The following DIAPH3 variants were observed in gnomAD, a reference collection of about 807,000 sequenced individuals.
The protein encoded by DIAPH3 is protein diaphanous homolog 3.
Under a neutral mutation model 144.3 loss-of-function variants are expected in DIAPH3, and 117 were observed. The ratio of observed to expected loss-of-function variants is 0.81; its 90% CI spans 0.70 to 0.95. The LOEUF is 0.95. DIAPH3 is among the 40% of genes least tolerant of loss of function. The pLI, the probability that DIAPH3 is intolerant of heterozygous loss-of-function variation, is 0.00. For missense variants in DIAPH3, 1,421 were observed against 1,412.7 expected (o/e 1.01, Z -0.09); for synonymous variants, 519 against 488.9 (o/e 1.06, Z -0.81).
At chr13:59,893,703 G>T (rs1210624916) in intron 20 of DIAPH3, among the ~76,000 whole-genome samples, 1 of 151,986 alleles carries the variant, frequency 6.6e-6, no homozygotes, top group Non-Finnish European at 1.5e-5. Flanking sequence ...TTGCAGATTA[G>T]TTTATTCAAA....
At chr13:59,913,011 T>C (rs1322463755) in intron 19 of DIAPH3, among the ~76,000 whole-genome samples, 1 of 152,134 alleles carries the variant, frequency 6.6e-6, no homozygotes, top group African/African-American at 2.4e-5. Context: ...AATAAAAGTA[T>C]ATGATTTCCC....
intron 27 of DIAPH3, among the ~76,000 whole-genome samples, chr13:59,680,180 C>A (rs2032864301): frequency 6.6e-6 from 1 of 152,096 alleles, no homozygotes; most frequent in African/African-American, 2.4e-5. Context: ...ACACACACAC[C>A]TACACATTAG....
chr13:59,892,676 C>T (rs340224), intron 20 of DIAPH3, among the ~76,000 whole-genome samples: 102,070 of 151,752 alleles, frequency 0.67, 35,947 homozygotes, highest in East Asian at 0.89. Flanking sequence ...AAAGATAACA[C>T]AGACTCATTA....
At chr13:60,136,895 G>A (rs533530410) in intron 1 of DIAPH3, among the ~76,000 whole-genome samples, 5 of 151,798 alleles carry the variant, frequency 3.3e-5, no homozygotes, top group African/African-American at 1.2e-4. Context: ...AGCCGAGATT[G>A]TGCCACTGCA....
chr13:59,937,491 G>C (rs1424486179), intron 17 of DIAPH3, among the ~76,000 whole-genome samples: 1 of 152,158 alleles, frequency 6.6e-6, no homozygotes, highest in African/African-American at 2.4e-5. Flanking sequence ...TAAGCAACTT[G>C]AGACTAGAAG....
At position 59,974,336 on chromosome 13, in the gene DIAPH3, C is replaced by T. The variant is rs1366046977; in HGVS notation, c.1650+16G>A. The T allele has an allele frequency of 6.3e-7, 1 of 1,597,794 alleles. No individual in the cohort carries two copies. Among genetic ancestry groups the T allele is most frequent in the Non-Finnish European group, 8.6e-7 (1 of 1,166,734 alleles). Reference sequence around the variant, plus strand: ...TGTGTTTTTAATACCCAAATTCACTCAGAGTGGAATTTTACCTGAGACTTA... The same window carrying T: ...TGTGTTTTTAATACCCAAATTCACTTAGAGTGGAATTTTACCTGAGACTTA... On this transcript the variant is annotated intron_variant, in intron 15 of 27. Coordinates refer to ENST00000400324, the MANE Select transcript of DIAPH3 (RefSeq NM_001042517.2).
intron 24 of DIAPH3, among the ~76,000 whole-genome samples, chr13:59,813,757 A>G (rs2040616617): frequency 1.3e-5 from 2 of 151,742 alleles, no homozygotes; most frequent in African/African-American, 4.8e-5. Context: ...AGAGGCTGAA[A>G]CAGGAGAATC....
chr13:59,908,311 C>T lies in DIAPH3; in HGVS notation c.2367+3424G>A, dbSNP rs563461463. ...ATCGCTTGAACCCAGGAGGCGGTTG[C>T]AGTGAGCCGAGATCGTGCCACTGTA... is the stretch of plus-strand genomic sequence containing the variant. On this transcript the variant is annotated intron_variant, in intron 20 of 27. Coordinates refer to ENST00000400324, the MANE Select transcript of DIAPH3 (RefSeq NM_001042517.2). Among the ~76,000 whole-genome samples the T allele has an allele frequency of 9.4e-4, 122 of 130,348 alleles. 2 individuals are homozygous for T. Among genetic ancestry groups the T allele is most frequent in the African/African-American group, 3.5e-3 (119 of 34,180 alleles). 85.5% of individuals were successfully genotyped at this position (130,348 alleles called of 152,430 possible).
Position 59,971,331 on chromosome 13 carries a change from GAATAT to G in DIAPH3, c.1651-176_1651-172del, listed in dbSNP as rs370147493. Among the ~76,000 whole-genome samples, 714 of 152,126 alleles carry G rather than the reference GAATAT, an allele frequency of 4.7e-3. 3 individuals carry two copies. Among genetic ancestry groups the G allele is most frequent in the South Asian group, 0.026 (125 of 4,822 alleles). On this transcript the variant is annotated intron_variant, in intron 15 of 27. Coordinates refer to ENST00000400324, the MANE Select transcript of DIAPH3 (RefSeq NM_001042517.2). ...TCCAACAATTTTTCTTCTAATTTAA[GAATAT>G]AATTATAGCTTTTTTTCCCTCATAA...
chr13:59,876,200 C>A (rs1171199393), intron 21 of DIAPH3, among the ~76,000 whole-genome samples: 1 of 152,132 alleles, frequency 6.6e-6, no homozygotes, highest in Non-Finnish European at 1.5e-5. Flanking sequence ...TGTGAAAATT[C>A]AATCACAATT....
intron 20 of DIAPH3, among the ~76,000 whole-genome samples, chr13:59,885,832 G>A (rs976905078): frequency 3.9e-5 from 6 of 152,062 alleles, no homozygotes; most frequent in African/African-American, 1.2e-4. Context: ...AGCTAGCAGA[G>A]TGGTATGGAT....
intron 17 of DIAPH3, among the ~76,000 whole-genome samples, chr13:59,964,381 C>A (rs1284801727): frequency 6.6e-6 from 1 of 151,976 alleles, no homozygotes; most frequent in Non-Finnish European, 1.5e-5. Flanking sequence ...CACACCAATA[C>A]ACATACACCC....
chr13:60,110,862 A>G (rs952292584), intron 3 of DIAPH3, among the ~76,000 whole-genome samples: 5 of 152,208 alleles, frequency 3.3e-5, no homozygotes, highest in Admixed American at 3.3e-4. Flanking sequence ...TAATATTAAA[A>G]TATATAGTAT....
chr13:59,676,747 A>C (rs891355986), intron 27 of DIAPH3, among the ~76,000 whole-genome samples: 1 of 152,184 alleles, frequency 6.6e-6, no homozygotes, highest in Admixed American at 6.5e-5. Flanking sequence ...ACTCCTAAAA[A>C]ATTTCCATGT....
intron 12 of DIAPH3, among the ~76,000 whole-genome samples, chr13:59,988,373 ATTC>A (rs768932262): frequency 6.6e-6 from 1 of 151,872 alleles, no homozygotes; most frequent in Non-Finnish European, 1.5e-5. Flanking sequence ...ACTCAACATT[ATTC>A]TAATGTTTTT....
At chr13:59,810,586 C>A (rs2040422428) in intron 25 of DIAPH3, among the ~76,000 whole-genome samples, 1 of 152,052 alleles carries the variant, frequency 6.6e-6, no homozygotes, top group African/African-American at 2.4e-5. Flanking sequence ...CACCTATGAC[C>A]AACACTGGAA....
chr13:59,963,172 C>G (rs1379068307), intron 17 of DIAPH3, among the ~76,000 whole-genome samples: 1 of 152,132 alleles, frequency 6.6e-6, no homozygotes, highest in Non-Finnish European at 1.5e-5. Flanking sequence ...TCTAACCTGG[C>G]TTACCTACTC....
At chr13:59,887,363 T>C (rs923736187) in intron 20 of DIAPH3, among the ~76,000 whole-genome samples, 1 of 152,078 alleles carries the variant, frequency 6.6e-6, no homozygotes, top group Non-Finnish European at 1.5e-5. Context: ...GTTTCTAGTT[T>C]TGCTGTAGTA....
chr13:60,007,529 T>C (rs1473086480), intron 9 of DIAPH3, among the ~76,000 whole-genome samples: 1 of 152,174 alleles, frequency 6.6e-6, no homozygotes, highest in African/African-American at 2.4e-5. Context: ...TTACTTCATA[T>C]CTATTAACAC....
Sources: gnomAD v4.1 joint callset for allele counts (sites outside exome capture counted in the v4.1 genomes callset) on GRCh38, gnomAD v4.1.1 for gene constraint, MANE v1.5 for transcripts, NCBI Gene and HGNC (gene_info 2026-07-23, HGNC 2026-07-21) for gene names.